Variants in PPP2R5C observed in about 807,000 individuals in gnomAD.
The protein encoded by PPP2R5C is serine/threonine-protein phosphatase 2A 56 kDa regulatory subunit gamma isoform.
A neutral mutation model predicts 68.9 loss-of-function variants in PPP2R5C; 7 were observed. That is an observed-to-expected ratio of 0.10 (90% CI 0.06 to 0.19). The LOEUF (loss-of-function observed/expected upper bound fraction) is 0.19. Among genes scored for constraint, PPP2R5C ranks in the 10% least tolerant of loss-of-function variants. The pLI, the probability that PPP2R5C is intolerant of heterozygous loss-of-function variation, is 1.00. For synonymous variants in PPP2R5C, 210 were observed against 222.2 expected (o/e 0.95, Z 0.49); for missense variants, 348 against 641.3 (o/e 0.54, Z 4.94).
rs1416383629 is a variant in PPP2R5C at position 101,917,383 on chromosome 14, T to C, written c.1327-448T>C. On this transcript the variant is annotated intron_variant, in intron 12 of 13. Transcript: ENST00000334743. This position sits in a 1 kb window ranked among gnomAD's most constrained non-coding sequence, Gnocchi z 4.4. ...GAGAGAACCGTGCCAGCTGTCTCGA[T>C]GAGAGGACATGATCGTGAGAGGAAA... 6.6e-6 allele frequency among the ~76,000 whole-genome samples: 1 copy of C among 151,658 alleles called. No homozygotes were observed. The highest frequency in any genetic ancestry group is 1.5e-5 in the Non-Finnish European group (1 of 67,902).
intron 13 of PPP2R5C, 39 bp from the exon 16 acceptor site, chr14:101,925,102 C>G: frequency 6.2e-7 from 1 of 1,608,912 alleles, no homozygotes; most frequent in East Asian, 2.2e-5. Flanking sequence ...TTTCAGATAG[C>G]TTAGTTTGTA....
At chr14:101,890,785 T>C (rs1216003995) in intron 6 of PPP2R5C, among the ~76,000 whole-genome samples, 1 of 146,732 alleles carries the variant, frequency 6.8e-6, no homozygotes, top group African/African-American at 2.5e-5. Context: ...TTTTTTTTTT[T>C]TTTCTTTTTG....
At chr14:101,826,343 T>G (rs2040398136) in intron 1 of PPP2R5C, among the ~76,000 whole-genome samples, 1 of 152,250 alleles carries the variant, frequency 6.6e-6, no homozygotes, top group Non-Finnish European at 1.5e-5. Context: ...GGGTCCAACT[T>G]CCTTTATTTG....
In PPP2R5C at chr14:101,877,677, CAAG is replaced by C. The variant is rs1029400006; in HGVS notation, c.295-4478_295-4476del. ...AAGAAATGTTGCTAGGTCAGAAACCCAAGAAGAATTTGAGGTGATAGACCGTTG... is the reference window on the plus strand; with the variant it reads ...AAGAAATGTTGCTAGGTCAGAAACCCAAGAATTTGAGGTGATAGACCGTTG... On this transcript the variant is annotated intron_variant, in intron 2 of 13. Transcript: ENST00000334743. The surrounding 1 kb of genome is among the most constrained non-coding windows in gnomAD (Gnocchi z 4.2). Among the ~76,000 whole-genome samples the C allele has an allele frequency of 2.0e-4, 30 of 152,266 alleles. No homozygotes were observed. Among genetic ancestry groups the C allele is most frequent in the Middle Eastern group, 6.8e-3 (2 of 294 alleles).
intron 10 of PPP2R5C, among the ~76,000 whole-genome samples, chr14:101,908,848 C>T (rs528124999): frequency 3.9e-5 from 6 of 152,256 alleles, no homozygotes; most frequent in Admixed American, 1.3e-4. Flanking sequence ...CTAAGTACAA[C>T]TTGGGTTTTA....
chr14:101,834,757 G>C (rs1444728968), intron 1 of PPP2R5C, among the ~76,000 whole-genome samples: 3 of 146,408 alleles, frequency 2.0e-5, no homozygotes, highest in African/African-American at 7.9e-5. Flanking sequence ...ATTACATGCT[G>C]GGAAAATCAG....
chr14:101,765,487 C>T, intron 2 of PPP2R5C: 1 of 536,804 alleles, frequency 1.9e-6, no homozygotes, highest in Non-Finnish European at 3.3e-6. Flanking sequence ...TCCCTCTCCT[C>T]TCTCTCAGTA....
intron 5 of PPP2R5C, among the ~76,000 whole-genome samples, chr14:101,886,842 A>G (rs985800675): frequency 2.6e-5 from 4 of 151,962 alleles, no homozygotes; most frequent in African/African-American, 9.7e-5. Context: ...GGATCCTTCT[A>G]CCTCAGCTTC....
chr14:101,901,728 G>A (rs756521799), exon 9 of PPP2R5C: 3 of 1,613,240 alleles, frequency 1.9e-6, no homozygotes, highest in Middle Eastern at 1.8e-4. Flanking sequence ...GGTGGTGATG[G>A]CACTTCTCAA....
chr14:101,763,512 A>T (rs921981210), intron 2 of PPP2R5C, among the ~76,000 whole-genome samples: 1 of 151,998 alleles, frequency 6.6e-6, no homozygotes, highest in Non-Finnish European at 1.5e-5. Context: ...CCTCCTGAGT[A>T]GCTGGGATTA....
chr14:101,899,364 C>T lies in PPP2R5C; in HGVS notation c.853-2355C>T, dbSNP rs1055386805. On this transcript the variant is annotated intron_variant, in intron 8 of 13. Transcript: ENST00000334743. This position sits in a 1 kb window ranked among gnomAD's most constrained non-coding sequence, Gnocchi z 4.2. ...TGGCTCGCCTGCCCTCTGCAGGGAGCGGGCAGTCCTTGGGCTTCCAAAGGA... is the reference window on the plus strand; with the variant it reads ...TGGCTCGCCTGCCCTCTGCAGGGAGTGGGCAGTCCTTGGGCTTCCAAAGGA... Among the ~76,000 whole-genome samples the T allele has an allele frequency of 8.5e-5, 13 of 152,220 alleles. No homozygotes were observed. The highest frequency in any genetic ancestry group is 2.1e-4 in the South Asian group (1 of 4,832).
chr14:101,806,988 C>A (rs2039103704), upstream of PPP2R5C, among the ~76,000 whole-genome samples: 1 of 152,140 alleles, frequency 6.6e-6, no homozygotes, highest in South Asian at 2.1e-4. Context: ...AGAAATTTGT[C>A]ATTTTTAATA....
rs57812551 is a variant in PPP2R5C at position 101,768,825 on chromosome 14, CTTTT to C, written c.93+5869_93+5872del. On this transcript the variant is annotated intron_variant, in intron 2 of 14. Transcript: ENST00000328724. ...CTGCTGGCCATCTGAATCCTTTCAT[CTTTT>C]TTTTTTTTTTTTTGAGACGGAGTCT... is the stretch of plus-strand genomic sequence containing the variant. 2.9e-3 allele frequency among the ~76,000 whole-genome samples: 405 copies of C among 139,166 alleles called. 1 individual carries two copies. The highest frequency in any genetic ancestry group is 0.01 in the African/African-American group (381 of 37,122). The allele number at this position is 139,166 out of a possible 152,430, so 91.3% of individuals were successfully genotyped here. A position where few individuals can be genotyped will look rare whatever the true frequency, so the allele number is the denominator to read the frequency against.
intron 1 of PPP2R5C, chr14:101,844,117 A>C (rs1400856927): frequency 1.4e-5 from 2 of 147,424 alleles, no homozygotes; most frequent in Admixed American, 1.3e-4. Flanking sequence ...TCTTAAAGTG[A>C]TTATCTGTTT....
chr14:101,901,966 C>T (rs1309881944), intron 9 of PPP2R5C, 77 bp downstream of exon 11: 2 of 1,463,216 alleles, frequency 1.4e-6, no homozygotes, highest in Non-Finnish European at 1.9e-6. Flanking sequence ...GCGTAGCTGG[C>T]CATGCTTTGC....
intron 1 of PPP2R5C, among the ~76,000 whole-genome samples, chr14:101,854,015 G>GA (rs2042289661): frequency 6.6e-6 from 1 of 152,124 alleles, no homozygotes; most frequent in African/African-American, 2.4e-5. Flanking sequence ...GTGTAGAATT[G>GA]ATGAGAATTG....
chr14:101,925,038 G>C, intron 13 of PPP2R5C, 103 bp from the exon 16 acceptor site: 7 of 1,347,702 alleles, frequency 5.2e-6, no homozygotes, highest in Non-Finnish European at 6.2e-6. Flanking sequence ...GAGTGGGTGA[G>C]GCACACGTGC....
At chr14:101,824,175 C>A in intron 1 of PPP2R5C, 1 of 1,263,994 alleles carries the variant, frequency 7.9e-7, no homozygotes, top group Non-Finnish European at 1.0e-6. Flanking sequence ...TCGTGGTAAA[C>A]GTAAACTTAC....
At chr14:101,868,170 A>G (rs940306334) in intron 2 of PPP2R5C, among the ~76,000 whole-genome samples, 1 of 152,242 alleles carries the variant, frequency 6.6e-6, no homozygotes, top group African/African-American at 2.4e-5. Flanking sequence ...GAGGGATAGT[A>G]CATTGACCAA....
Sources: allele counts gnomAD v4.1 joint callset (sites outside exome capture counted in the v4.1 genomes callset), GRCh38; gene constraint gnomAD v4.1.1; non-coding constraint Gnocchi (gnomAD v3.1); transcripts MANE v1.5; gene names NCBI Gene and HGNC (gene_info 2026-07-23, HGNC 2026-07-21).